The following SPACA9 variants were observed in gnomAD, a reference collection of about 807,000 sequenced individuals.
SPACA9 encodes sperm acrosome associated 9.
In SPACA9, 14 loss-of-function variants were observed where a neutral mutation model predicts 12.5. That is an observed-to-expected ratio of 1.12 (90% confidence interval 0.74 to 1.75). SPACA9 has a LOEUF of 1.75. Ranked by LOEUF, SPACA9 falls within the 40% of genes most tolerant of loss-of-function variation. The pLI, the probability that SPACA9 is intolerant of heterozygous loss-of-function variation, is 0.00. For missense variants in SPACA9, 292 were observed against 291.9 expected, an observed-to-expected ratio of 1.00 and a Z score of 0.00; for synonymous variants, 111 against 114.1, an observed-to-expected ratio of 0.97 and a Z score of 0.17.
chr9:132,886,018 C>A (rs1032699443), intron 2 of SPACA9, among the ~76,000 whole-genome samples: 3 of 152,232 alleles, frequency 2.0e-5, no homozygotes, highest in Non-Finnish European at 2.9e-5. Flanking sequence ...GCCTCTCCCC[C>A]TTACGAAGCT....
chr9:132,880,305 C>T (rs942638206), intron 1 of SPACA9, among the ~76,000 whole-genome samples: 4 of 152,206 alleles, frequency 2.6e-5, no homozygotes, highest in African/African-American at 9.7e-5. Flanking sequence ...TCCCCTGTGC[C>T]CTTCATCCAC....
In SPACA9 at chr9:132,884,114, C is replaced by T. The variant is rs542418639; in HGVS notation, c.144+23C>T. On this transcript the variant is annotated intron_variant, in intron 2 of 3. Coordinates refer to ENST00000356311, the MANE Select transcript of SPACA9 (RefSeq NM_001316897.2). ...CAGGTGGGGCTCCCGACCCCCACCCCGGCCGAGGGGCAACAAGCCCAGTCC... is the reference window on the plus strand; with the variant it reads ...CAGGTGGGGCTCCCGACCCCCACCCTGGCCGAGGGGCAACAAGCCCAGTCC... 26 of 1,605,572 alleles carry T rather than the reference C, an allele frequency of 1.6e-5. No homozygotes were observed. In the Middle Eastern group the frequency reaches 5.0e-4, roughly 31 times the overall value.
chr9:132,885,828 A>G (rs1844549476), intron 2 of SPACA9, among the ~76,000 whole-genome samples: 1 of 152,232 alleles, frequency 6.6e-6, no homozygotes, highest in African/African-American at 2.4e-5. Flanking sequence ...GGCTCTTGGT[A>G]AACAGTGGCC....
At position 132,887,269 on chromosome 9, in the gene SPACA9, G is replaced by A; in HGVS notation, c.145-100G>A. 1 of 992,626 alleles carries A rather than the reference G, an allele frequency of 1.0e-6. No homozygotes were observed. Among genetic ancestry groups the A allele is most frequent in the Middle Eastern group, 3.1e-4 (1 of 3,176 alleles). 61.5% of individuals were successfully genotyped at this position (992,626 alleles called of 1,614,324 possible). ...GCGTCTCCCCCATGAGTCATGTAGGGTGGGAGGGAGTAGGGTGGGTGCTTC... is the reference window on the plus strand; with the variant it reads ...GCGTCTCCCCCATGAGTCATGTAGGATGGGAGGGAGTAGGGTGGGTGCTTC... On this transcript the variant is annotated intron_variant, in intron 2 of 3. Coordinates refer to ENST00000356311, the MANE Select transcript of SPACA9 (RefSeq NM_001316897.2). The surrounding 1 kb of genome is among the most constrained non-coding windows in gnomAD (Gnocchi z 5.4).
intron 1 of SPACA9, among the ~76,000 whole-genome samples, chr9:132,879,279 G>T (rs2131471386): frequency 6.6e-6 from 1 of 152,312 alleles, no homozygotes; most frequent in South Asian, 2.1e-4. Context: ...GTCTGTTGCC[G>T]TTAATCGTAG....
rs1292623636 is a variant in SPACA9 at position 132,890,019 on chromosome 9, T to G, written c.*1408T>G. 6.9e-7 allele frequency: 1 copy of G among 1,442,156 alleles called. No homozygotes were observed. The highest frequency in any genetic ancestry group is 1.4e-5 in the African/African-American group (1 of 69,070). The allele number at this position is 1,442,156 out of a possible 1,614,324, so 89.3% of individuals were successfully genotyped here. A position where few individuals can be genotyped will look rare whatever the true frequency, so the allele number is the denominator to read the frequency against. On this transcript the variant is annotated 3_prime_UTR_variant, in exon 4 of 4. Coordinates refer to ENST00000356311, the MANE Select transcript of SPACA9 (RefSeq NM_001316897.2). Reference sequence around the variant, plus strand: ...GGGGGAGACAGTCAAGAATAAAAAGTATTCTACCACCTCTCTGCCTGACTT... The same window carrying G: ...GGGGGAGACAGTCAAGAATAAAAAGGATTCTACCACCTCTCTGCCTGACTT...
In SPACA9 at chr9:132,883,926, T is replaced by G; in HGVS notation, c.-22T>G. Reference sequence around the variant, plus strand: ...CTCCCCATAGATTCCTCTTCTCCTGTAAATGACCACAGAGGAAGACAATGA... The same window carrying G: ...CTCCCCATAGATTCCTCTTCTCCTGGAAATGACCACAGAGGAAGACAATGA... On this transcript the variant is annotated 5_prime_UTR_variant, in exon 2 of 4. Coordinates refer to ENST00000356311, the MANE Select transcript of SPACA9 (RefSeq NM_001316897.2). 1 of 1,613,530 alleles carries G rather than the reference T, an allele frequency of 6.2e-7. No homozygotes were observed. Among genetic ancestry groups the G allele is most frequent in the South Asian group, 1.1e-5 (1 of 91,060 alleles).
chr9:132,887,132 C>A lies in SPACA9; in HGVS notation c.145-237C>A, dbSNP rs549332970. ...CCCAACCGATCCATTAATTTCATAT[C>A]ATATCTATCCATCCATCCATCCATC... On this transcript the variant is annotated intron_variant, in intron 2 of 3. Coordinates refer to ENST00000356311, the MANE Select transcript of SPACA9 (RefSeq NM_001316897.2). This position sits in a 1 kb window ranked among gnomAD's most constrained non-coding sequence, Gnocchi z 5.4. Among the ~76,000 whole-genome samples the A allele has an allele frequency of 7.4e-6, 1 of 134,244 alleles. No individual in the cohort carries two copies. Among genetic ancestry groups the A allele is most frequent in the African/African-American group, 2.6e-5 (1 of 38,512 alleles). The allele number at this position is 134,244 out of a possible 152,430, so 88.1% of individuals were successfully genotyped here.
rs1306593764 is a variant in SPACA9, at chr9:132,888,302, T to C, written c.360T>C (p.Asp120=). The C allele has an allele frequency of 6.2e-7, 1 of 1,611,150 alleles. No individual in the cohort carries two copies. The highest frequency in any genetic ancestry group is 8.5e-7 in the Non-Finnish European group (1 of 1,178,202). The change falls in exon 4 of 4, where the codon GAT becomes GAC. Residue 120 remains aspartate (D), a synonymous_variant. Coordinates refer to ENST00000356311, the MANE Select transcript of SPACA9 (RefSeq NM_001316897.2). This position sits in a 1 kb window ranked among gnomAD's most constrained non-coding sequence, Gnocchi z 5.0. ...TGCCGTCCTGCAGATACCCTCATGA[T>C]GTGGTGAACCACCTCAGCTGTGACG... is the stretch of plus-strand genomic sequence containing the variant. ...LSSLRAKYPH[D]VVNHLSCDEA...
At chr9:132,881,930 C>T (rs1844439024) in intron 1 of SPACA9, among the ~76,000 whole-genome samples, 2 of 152,222 alleles carry the variant, frequency 1.3e-5, no homozygotes, top group Admixed American at 1.3e-4. Flanking sequence ...GAGCCGGACA[C>T]CACGGGAGGC....
At chr9:132,879,618 C>T (rs1419640169) in intron 1 of SPACA9, among the ~76,000 whole-genome samples, 1 of 152,166 alleles carries the variant, frequency 6.6e-6, no homozygotes, top group African/African-American at 2.4e-5. Flanking sequence ...ACCTTCATTC[C>T]CATTTTACAG....
rs1167200993 is a variant in SPACA9, at chr9:132,887,931, A to T, written c.348-359A>T. 6.6e-6 allele frequency among the ~76,000 whole-genome samples: 1 copy of T among 152,108 alleles called. No individual in the cohort carries two copies. The highest frequency in any genetic ancestry group is 2.4e-5 in the African/African-American group (1 of 41,430). ...GCAGCACTGGCACTGAGGGCTCCTCATCCTGACAGCCCGGGAGCCTGCAGC... is the reference window on the plus strand; with the variant it reads ...GCAGCACTGGCACTGAGGGCTCCTCTTCCTGACAGCCCGGGAGCCTGCAGC... On this transcript the variant is annotated intron_variant, in intron 3 of 3. Transcript: ENST00000356311. This position sits in a 1 kb window ranked among gnomAD's most constrained non-coding sequence, Gnocchi z 5.4.
Position 132,889,930 on chromosome 9 carries a change from TCTGA to T in SPACA9, c.*1323_*1326del. The T allele has an allele frequency of 1.4e-6, 2 of 1,480,772 alleles. No homozygotes were observed. The highest frequency in any genetic ancestry group is 9.0e-7 in the Non-Finnish European group (1 of 1,106,830). 91.7% of individuals were successfully genotyped at this position (1,480,772 alleles called of 1,614,324 possible). Reference sequence around the variant, plus strand: ...GCTTCTGAGCTTGCCCAAAGTAATGTCTGACTGTTGGTTTTTCCCTTCACAGGGG... The same window carrying T: ...GCTTCTGAGCTTGCCCAAAGTAATGTCTGTTGGTTTTTCCCTTCACAGGGG... On this transcript the variant is annotated 3_prime_UTR_variant, in exon 4 of 4. Transcript: ENST00000356311.
intron 1 of SPACA9, among the ~76,000 whole-genome samples, chr9:132,882,240 C>T (rs534067865): frequency 2.6e-5 from 4 of 152,310 alleles, no homozygotes; most frequent in East Asian, 1.9e-4. Context: ...CTTAAGGTGG[C>T]TCCTCTAAGG....
intron 2 of SPACA9, among the ~76,000 whole-genome samples, chr9:132,884,703 T>A (rs1844516833): frequency 9.8e-6 from 1 of 101,926 alleles, no homozygotes. Flanking sequence ...TTGGAGGGAG[T>A]CAGCTTGTGG....
At chr9:132,878,594 C>G (rs1844268974), upstream of SPACA9, 2 of 1,097,898 alleles carry the variant, frequency 1.8e-6, no homozygotes, top group Non-Finnish European at 1.1e-6. This position sits in a 1 kb window ranked among gnomAD's most constrained non-coding sequence, Gnocchi z 4.7. Context: ...GAGGCAGAAC[C>G]TGCTTCTGGT....
At chr9:132,883,514 G>A (rs1268523734) in intron 1 of SPACA9, among the ~76,000 whole-genome samples, 4 of 152,122 alleles carry the variant, frequency 2.6e-5, no homozygotes, top group African/African-American at 4.8e-5. Context: ...GTGTGTACAC[G>A]CGTGCGTGTG....
intron 1 of SPACA9, among the ~76,000 whole-genome samples, chr9:132,882,261 G>A (rs1279950902): frequency 6.6e-6 from 1 of 152,158 alleles, no homozygotes; most frequent in African/African-American, 2.4e-5. Flanking sequence ...CAGCCTTGCT[G>A]GCTTTTGGCT....
chr9:132,882,462 CTTTTTT>C (rs60513113), intron 1 of SPACA9, among the ~76,000 whole-genome samples: 1 of 123,522 alleles, frequency 8.1e-6, no homozygotes, highest in Non-Finnish European at 1.7e-5. Flanking sequence ...TACCCTGCCT[CTTTTTT>C]TTTTTTTTTT....
Sources: allele counts gnomAD v4.1 joint callset (sites outside exome capture counted in the v4.1 genomes callset), GRCh38; gene constraint gnomAD v4.1.1; non-coding constraint Gnocchi (gnomAD v3.1); transcripts MANE v1.5; gene names NCBI Gene and HGNC (gene_info 2026-07-23, HGNC 2026-07-21).